The following SLC24A2 variants were observed in gnomAD, a reference collection of about 807,000 sequenced individuals.
SLC24A2 encodes solute carrier family 24 member 2.
A neutral mutation model predicts 62.0 loss-of-function variants in SLC24A2; 36 were observed. The observed-to-expected ratio is 0.58, with a 90% CI of 0.44 to 0.77. The LOEUF is 0.77. Ranked by LOEUF, SLC24A2 falls within the 30% of genes least tolerant of loss-of-function variation. The probability of loss-of-function intolerance (pLI) is 0.00; values close to 1 mark genes in which losing one functional copy is unlikely to be tolerated. For synonymous variants in SLC24A2, 358 were observed against 294.0 expected (o/e 1.22, Z -2.23); for missense variants, 846 against 817.9 (o/e 1.03, Z -0.42).
intron 2 of SLC24A2, among the ~76,000 whole-genome samples, chr9:19,636,922 A>T (rs1237615182): frequency 1.3e-5 from 2 of 152,196 alleles, no homozygotes; most frequent in Non-Finnish European, 2.9e-5. Context: ...AATTGATTTA[A>T]GTCTTTCAAA....
chr9:19,814,897 A>C, the SLC24A2 span, among the ~76,000 whole-genome samples: 14 of 152,330 alleles, frequency 9.2e-5, no homozygotes, highest in East Asian at 2.7e-3. Context: ...AGTGATGAAC[A>C]CTGAAAAGAT....
chr9:19,902,636 G>T, the SLC24A2 span, among the ~76,000 whole-genome samples: 1 of 152,084 alleles, frequency 6.6e-6, no homozygotes, highest in Non-Finnish European at 1.5e-5. Context: ...TCTGGAAGAG[G>T]ATATTGAGTC....
chr9:19,947,709 T>G, the SLC24A2 span, among the ~76,000 whole-genome samples: 4 of 147,402 alleles, frequency 2.7e-5, no homozygotes, highest in Admixed American at 2.1e-4. Flanking sequence ...GAGAATGGCG[T>G]GAACCTGGGA....
chr9:20,275,911 C>T, the SLC24A2 span, among the ~76,000 whole-genome samples: 1 of 152,116 alleles, frequency 6.6e-6, no homozygotes, highest in South Asian at 2.1e-4. Flanking sequence ...GACTTATTCA[C>T]TATCGTGAGA....
the SLC24A2 span, among the ~76,000 whole-genome samples, chr9:19,940,093 G>A: frequency 6.6e-6 from 1 of 152,222 alleles, no homozygotes; most frequent in Non-Finnish European, 1.5e-5. Flanking sequence ...ATGGGGAAGT[G>A]AAAGTGCAGA....
the SLC24A2 span, among the ~76,000 whole-genome samples, chr9:20,275,935 A>G: frequency 1.3e-5 from 2 of 152,114 alleles, no homozygotes; most frequent in Non-Finnish European, 2.9e-5. Flanking sequence ...GCATGTGAAG[A>G]AAACCACCCC....
intron 7 of SLC24A2, among the ~76,000 whole-genome samples, chr9:19,567,015 G>A (rs944068450): frequency 3.3e-5 from 5 of 151,832 alleles, no homozygotes; most frequent in Non-Finnish European, 5.9e-5. Context: ...TGTAAATGGC[G>A]AGTTAATGGC....
In SLC24A2 at chr9:19,685,677, C is replaced by T. The variant is rs184260314; in HGVS notation, c.931-63378G>A. Among the ~76,000 whole-genome samples, 636 of 152,126 alleles carry T rather than the reference C, an allele frequency of 4.2e-3. 1 individual carries two copies. Among genetic ancestry groups the T allele is most frequent in the Non-Finnish European group, 5.2e-3 (356 of 67,958 alleles). On this transcript the variant is annotated intron_variant, in intron 2 of 10. Transcript: ENST00000341998. ...AAAAAACAAGCAATGGGGGAAAAGACTCCCTATTCAAAAAATGGTGCTTGG... is the reference window on the plus strand; with the variant it reads ...AAAAAACAAGCAATGGGGGAAAAGATTCCCTATTCAAAAAATGGTGCTTGG...
In SLC24A2 at chr9:19,511,244, A is replaced by G. The variant is rs1203029293; in HGVS notation, c.*4909T>C. Reference sequence around the variant, plus strand: ...CCTTATTGCTTTTCTTGTTTGCTATATATTTAAAAAATATGAAGCTCTGAG... The same window carrying G: ...CCTTATTGCTTTTCTTGTTTGCTATGTATTTAAAAAATATGAAGCTCTGAG... On this transcript the variant is annotated 3_prime_UTR_variant, in exon 11 of 11. Transcript: ENST00000341998. The G allele has an allele frequency of 6.6e-6, 1 of 152,158 alleles. No homozygotes were observed. The highest frequency in any genetic ancestry group is 1.5e-5 in the Non-Finnish European group (1 of 68,040). The allele number at this position is 152,158 out of a possible 1,614,324, so 9.4% of individuals were successfully genotyped here. A position where few individuals can be genotyped will look rare whatever the true frequency, so the allele number is the denominator to read the frequency against.
the SLC24A2 span, among the ~76,000 whole-genome samples, chr9:19,905,324 A>G: frequency 6.6e-6 from 1 of 152,214 alleles, no homozygotes; most frequent in South Asian, 2.1e-4. Flanking sequence ...ATATTCATCC[A>G]GAGCAACTTT....
chr9:20,185,957 T>C, the SLC24A2 span, among the ~76,000 whole-genome samples: 1 of 152,184 alleles, frequency 6.6e-6, no homozygotes, highest in Non-Finnish European at 1.5e-5. Context: ...CAGTTTGCTT[T>C]GCTTTTGTGA....
the SLC24A2 span, among the ~76,000 whole-genome samples, chr9:19,805,443 T>C: frequency 0.016 from 2,488 of 152,276 alleles, 70 homozygotes; most frequent in African/African-American, 0.057. Flanking sequence ...CAGAGCAACA[T>C]TACTTCACCT....
chr9:19,902,319 A>G, the SLC24A2 span, among the ~76,000 whole-genome samples: 1 of 152,176 alleles, frequency 6.6e-6, no homozygotes, highest in Non-Finnish European at 1.5e-5. Flanking sequence ...TTTTTAGTTT[A>G]CAAGACTGAG....
At chr9:19,532,542 G>A (rs1228012723) in intron 8 of SLC24A2, among the ~76,000 whole-genome samples, 1 of 152,174 alleles carries the variant, frequency 6.6e-6, no homozygotes. Context: ...ATCTGTGATT[G>A]TTTGAATGCA....
the SLC24A2 span, among the ~76,000 whole-genome samples, chr9:20,284,527 A>T: frequency 1.8e-5 from 2 of 113,856 alleles, no homozygotes; most frequent in Non-Finnish European, 3.6e-5. Context: ...TAAGCTTAAA[A>T]CACATTTTTT....
At chr9:20,164,029 C>G in the SLC24A2 span, among the ~76,000 whole-genome samples, 1 of 152,026 alleles carries the variant, frequency 6.6e-6, no homozygotes. Context: ...CATAAAAACC[C>G]TAGAAGAAAA....
chr9:20,106,783 T>G, the SLC24A2 span, among the ~76,000 whole-genome samples: 1 of 152,088 alleles, frequency 6.6e-6, no homozygotes, highest in Non-Finnish European at 1.5e-5. Context: ...CTTTGAAAAC[T>G]GGCACAAGAC....
chr9:19,658,991 A>AT (rs1197426351), intron 2 of SLC24A2, among the ~76,000 whole-genome samples: 6 of 152,300 alleles, frequency 3.9e-5, no homozygotes, highest in South Asian at 4.1e-4. Context: ...TACAAGTTGA[A>AT]TTGTGTCCTC....
chr9:20,255,593 G>T, the SLC24A2 span, among the ~76,000 whole-genome samples: 21 of 152,060 alleles, frequency 1.4e-4, no homozygotes, highest in East Asian at 3.5e-3. Flanking sequence ...GTCAGCGAGG[G>T]CCTCAGTTCC....
Sources: gnomAD v4.1 joint callset for allele counts (sites outside exome capture counted in the v4.1 genomes callset) on GRCh38, gnomAD v4.1.1 for gene constraint, MANE v1.5 for transcripts, NCBI Gene and HGNC (gene_info 2026-07-23, HGNC 2026-07-21) for gene names.